ANKRD50: variants seen among roughly 807,000 people sequenced by gnomAD.
The protein encoded by ANKRD50 is ankyrin repeat domain 50.
A neutral mutation model predicts 112.0 loss-of-function variants in ANKRD50; 40 were observed. That is an observed-to-expected ratio of 0.36 (90% CI 0.28 to 0.46). The LOEUF is 0.46. ANKRD50 is among the 20% of genes least tolerant of loss of function. The pLI is 1.00. For synonymous variants in ANKRD50, 613 were observed against 619.1 expected, an observed-to-expected ratio of 0.99 and a Z score of 0.15; for missense variants, 1,487 against 1,701.7, an observed-to-expected ratio of 0.87 and a Z score of 2.22.
In ANKRD50 at chr4:124,670,793, C is replaced by T. The variant is rs142782062; in HGVS notation, c.2484G>A (p.Glu828=). 1.2e-4 allele frequency: 192 copies of T among 1,613,886 alleles called. No homozygotes were observed. Among genetic ancestry groups the T allele is most frequent in the Non-Finnish European group, 1.5e-4 (175 of 1,179,872 alleles). The part of the protein sequence containing the change: ...LSIASAQGNV[E]VVRTLLDRGL... Reference sequence around the variant, plus strand: ...CTCTATCCAGTAGAGTACGTACCACCTCAACATTTCCTTGTGCTGAAGCTA... The same window carrying T: ...CTCTATCCAGTAGAGTACGTACCACTTCAACATTTCCTTGTGCTGAAGCTA... Residue 828 remains glutamate (E), a synonymous_variant, in exon 4 of 5, where the codon GAG becomes GAA. Transcript: ENST00000504087.
chr4:124,671,917 C>G lies in ANKRD50; in HGVS notation c.1360G>C (p.Glu454Gln). Residue 454 changes from glutamate to glutamine, a missense_variant, in exon 4 of 5, where the codon GAA (glutamate) becomes CAA (glutamine). Transcript: ENST00000504087. Reference sequence around the variant, plus strand: ...GAGTTAATTAAGTGCAATGCAAATTCTTGTGCTTCCAATGGTGTTAAATTC... The same window carrying G: ...GAGTTAATTAAGTGCAATGCAAATTGTTGTGCTTCCAATGGTGTTAAATTC... Reference protein sequence around the residue: ...AKNLTPLEAQEFALHLINSNL... With the variant: ...AKNLTPLEAQQFALHLINSNL... 1 of 1,613,898 alleles carries G rather than the reference C, an allele frequency of 6.2e-7. No individual in the cohort carries two copies. The highest frequency in any genetic ancestry group is 1.1e-5 in the South Asian group (1 of 91,076).
intron 2 of ANKRD50, among the ~76,000 whole-genome samples, chr4:124,695,085 A>C (rs1489525635): frequency 6.6e-6 from 1 of 152,232 alleles, no homozygotes; most frequent in Non-Finnish European, 1.5e-5. Context: ...AAAGAGCCAG[A>C]GAAATCTTGT....
At chr4:124,700,865 A>G (rs1725374181) in intron 2 of ANKRD50, among the ~76,000 whole-genome samples, 1 of 152,176 alleles carries the variant, frequency 6.6e-6, no homozygotes, top group Non-Finnish European at 1.5e-5. Context: ...GAAGCACAAG[A>G]CAAGCTCAAC....
intron 3 of ANKRD50, among the ~76,000 whole-genome samples, chr4:124,673,173 A>G (rs1730699600): frequency 6.6e-6 from 1 of 152,128 alleles, no homozygotes; most frequent in Non-Finnish European, 1.5e-5. Flanking sequence ...TGTAAAATAA[A>G]TAATAAGATT....
At chr4:124,685,158 G>C (rs1323199756) in intron 2 of ANKRD50, among the ~76,000 whole-genome samples, 2 of 152,290 alleles carry the variant, frequency 1.3e-5, no homozygotes, top group East Asian at 3.9e-4. Context: ...TGAAGCTCCT[G>C]CACACCTCCA....
intron 2 of ANKRD50, among the ~76,000 whole-genome samples, chr4:124,706,345 T>A (rs1347306719): frequency 6.6e-6 from 1 of 152,100 alleles, no homozygotes; most frequent in African/African-American, 2.4e-5. Flanking sequence ...TAGAATATAC[T>A]ATACCATGTC....
chr4:124,712,289 G>A (rs962484850), intron 1 of ANKRD50, among the ~76,000 whole-genome samples, 169 bp downstream of exon 1: 1 of 151,958 alleles, frequency 6.6e-6, no homozygotes, highest in Non-Finnish European at 1.5e-5. Flanking sequence ...CCCATGCCCC[G>A]CTCCCGCTCC....
chr4:124,668,949 T>G, intron 4 of ANKRD50, 35 bp downstream of exon 4: 1 of 1,562,734 alleles, frequency 6.4e-7, no homozygotes, highest in Non-Finnish European at 8.6e-7. Context: ...GAACTCTACT[T>G]TTGTTTTTTA....
chr4:124,682,713 A>G (rs1724921224), intron 2 of ANKRD50, among the ~76,000 whole-genome samples: 2 of 151,050 alleles, frequency 1.3e-5, no homozygotes, highest in African/African-American at 4.9e-5. Context: ...TCTTTTAATT[A>G]GGGTTAGCAT....
chr4:124,711,530 T>C (rs931725900), intron 1 of ANKRD50, among the ~76,000 whole-genome samples: 3 of 152,094 alleles, frequency 2.0e-5, no homozygotes, highest in Non-Finnish European at 4.4e-5. Context: ...AACTTCACCA[T>C]AGCAAAGGAG....
At chr4:124,680,503 G>A (rs1156383471) in intron 2 of ANKRD50, among the ~76,000 whole-genome samples, 2 of 152,172 alleles carry the variant, frequency 1.3e-5, no homozygotes, top group Non-Finnish European at 1.5e-5. Context: ...ACTGCTACAG[G>A]AGGGTAGAGG....
At chr4:124,695,735 C>T (rs1023058364) in intron 2 of ANKRD50, among the ~76,000 whole-genome samples, 1 of 152,152 alleles carries the variant, frequency 6.6e-6, no homozygotes, top group African/African-American at 2.4e-5. Flanking sequence ...TACCAAGGGT[C>T]TTTCAGAGCT....
intron 2 of ANKRD50, among the ~76,000 whole-genome samples, chr4:124,694,118 A>T (rs1225799967): frequency 6.6e-6 from 1 of 152,200 alleles, no homozygotes. Flanking sequence ...GGAAAAAACA[A>T]CAACAACCAA....
intron 2 of ANKRD50, among the ~76,000 whole-genome samples, 187 bp downstream of exon 2, chr4:124,709,813 C>G (rs765941261): frequency 1.3e-5 from 2 of 152,024 alleles, no homozygotes; most frequent in Non-Finnish European, 2.9e-5. Context: ...ATATGCTGTG[C>G]AATACCAAAA....
chr4:124,685,389 A>G (rs937008280), intron 2 of ANKRD50, among the ~76,000 whole-genome samples: 1 of 152,208 alleles, frequency 6.6e-6, no homozygotes, highest in Non-Finnish European at 1.5e-5. Context: ...TTCCCTTTCA[A>G]TTATTTCAAA....
rs558800482 is a variant in ANKRD50 at position 124,710,853 on chromosome 4, T to C, written c.-342A>G. The C allele has an allele frequency of 2.9e-5, 12 of 419,152 alleles. No individual in the cohort carries two copies. Among genetic ancestry groups the C allele is most frequent in the Non-Finnish European group, 5.1e-5 (12 of 236,092 alleles). The allele number at this position is 419,152 out of a possible 1,614,324, so 26.0% of individuals were successfully genotyped here. A position where few individuals can be genotyped will look rare whatever the true frequency, so the allele number is the denominator to read the frequency against. ...TGTTTCAAGAACAGAGATGAGACAATACATGTGGAAAACTAAAGAAAAAAC... is the reference window on the plus strand; with the variant it reads ...TGTTTCAAGAACAGAGATGAGACAACACATGTGGAAAACTAAAGAAAAAAC... On this transcript the variant is annotated 5_prime_UTR_variant, in exon 2 of 5. Transcript: ENST00000504087.
chr4:124,679,217 G>C (rs1724816754), intron 2 of ANKRD50, among the ~76,000 whole-genome samples: 1 of 152,058 alleles, frequency 6.6e-6, no homozygotes, highest in Non-Finnish European at 1.5e-5. Context: ...TGATTGTTTT[G>C]AGTCAGTGAT....
chr4:124,709,580 T>C (rs1405463185), intron 2 of ANKRD50, among the ~76,000 whole-genome samples: 1 of 151,990 alleles, frequency 6.6e-6, no homozygotes, highest in Non-Finnish European at 1.5e-5. Context: ...CCTTTCTTAC[T>C]TAAAAAAATA....
Position 124,691,524 on chromosome 4 carries a change from A to AAG in ANKRD50, c.513-12620_513-12619insCT, listed in dbSNP as rs70960320. The stretch of plus-strand genomic sequence containing the variant: ...AAAAAAAAAAAAAAAAAAAAAAAAA[A>AAG]GGAGAACAGTACTTAACATTTCTAA... On this transcript the variant is annotated intron_variant, in intron 2 of 4. Transcript: ENST00000504087. 2.0e-5 allele frequency among the ~76,000 whole-genome samples: 3 copies of AAG among 148,818 alleles called. No homozygotes were observed. The East Asian group carries it at 5.9e-4, about 29-fold the overall frequency.
Sources: gnomAD v4.1 joint callset for allele counts (sites outside exome capture counted in the v4.1 genomes callset) on GRCh38, gnomAD v4.1.1 for gene constraint, MANE v1.5 for transcripts, NCBI Gene and HGNC (gene_info 2026-07-23, HGNC 2026-07-21) for gene names.